The following KALRN variants were observed in gnomAD, a reference collection of about 807,000 sequenced individuals.
KALRN encodes kalirin RhoGEF kinase, also known as kalirin.
In KALRN, 70 loss-of-function variants were observed where a neutral mutation model predicts 353.7. That is an observed-to-expected ratio of 0.20 (90% CI 0.16 to 0.24). The LOEUF (loss-of-function observed/expected upper bound fraction) is 0.24, where lower values mean the gene tolerates loss of function less well. KALRN is among the 10% of genes least tolerant of loss of function. KALRN has a pLI of 1.00. For synonymous variants in KALRN, 1,391 were observed against 1,434.8 expected (o/e 0.97, Z 0.69); for missense variants, 2,791 against 3,756.7 (o/e 0.74, Z 6.72).
intron 3 of KALRN, among the ~76,000 whole-genome samples, chr3:124,241,115 A>G (rs1213491354): frequency 6.6e-6 from 1 of 152,156 alleles, no homozygotes; most frequent in Non-Finnish European, 1.5e-5. Context: ...CTCTATCCTC[A>G]ATGCTACCTA....
At chr3:124,133,778 C>T (rs2065592257) in intron 1 of KALRN, among the ~76,000 whole-genome samples, 1 of 152,188 alleles carries the variant, frequency 6.6e-6, no homozygotes, top group African/African-American at 2.4e-5. Flanking sequence ...AAAAGAGTTT[C>T]AGGGCAGCCG....
chr3:124,419,274 T>A (rs774721381), intron 14 of KALRN, among the ~76,000 whole-genome samples: 2 of 151,156 alleles, frequency 1.3e-5, no homozygotes, highest in Admixed American at 6.6e-5. Flanking sequence ...TTATAATTTC[T>A]CTGAGGGAAA....
chr3:124,208,651 A>G (rs1478633150), intron 1 of KALRN, among the ~76,000 whole-genome samples: 2 of 152,150 alleles, frequency 1.3e-5, no homozygotes, highest in Non-Finnish European at 2.9e-5. Flanking sequence ...TAGAAAATGC[A>G]AAATAGATTA....
chr3:124,419,547 G>A (rs962047041), intron 14 of KALRN, among the ~76,000 whole-genome samples: 3 of 151,984 alleles, frequency 2.0e-5, no homozygotes, highest in Non-Finnish European at 2.9e-5. Flanking sequence ...GAAGAGGCTC[G>A]TTTGTTCATT....
chr3:124,551,123 G>A (rs1388948104), intron 33 of KALRN, among the ~76,000 whole-genome samples: 1 of 152,192 alleles, frequency 6.6e-6, no homozygotes, highest in East Asian at 1.9e-4. Context: ...ATGGTGAGAG[G>A]AGGAGACAAA....
chr3:124,228,264 C>A (rs1026661921), intron 2 of KALRN, among the ~76,000 whole-genome samples, 200 bp downstream of exon 2: 2 of 152,168 alleles, frequency 1.3e-5, no homozygotes, highest in African/African-American at 4.8e-5. Context: ...CTAAAGGACA[C>A]CCAGAACCAA....
chr3:124,275,754 C>A (rs1003461189), intron 5 of KALRN, among the ~76,000 whole-genome samples: 2 of 152,146 alleles, frequency 1.3e-5, no homozygotes, highest in African/African-American at 4.8e-5. Context: ...TTTCAATTAT[C>A]CTTAATGGAA....
chr3:124,685,873 G>A (rs1020552261), intron 51 of KALRN, among the ~76,000 whole-genome samples: 3 of 152,106 alleles, frequency 2.0e-5, no homozygotes, highest in African/African-American at 7.2e-5. Context: ...AGATTACAAG[G>A]TACCATTGAC....
chr3:124,317,628 T>C (rs775604098), intron 6 of KALRN, among the ~76,000 whole-genome samples: 1 of 148,662 alleles, frequency 6.7e-6, no homozygotes, highest in Non-Finnish European at 1.5e-5. Context: ...ATTCAGAAAG[T>C]TGGGGAAGGG....
In KALRN at chr3:124,181,076, C is replaced by CAAAAAAAAAAAAAAA. The variant is rs60579271; in HGVS notation, c.74-46903_74-46889dup. Among the ~76,000 whole-genome samples, 64 of 55,250 alleles carry CAAAAAAAAAAAAAAA rather than the reference C, an allele frequency of 1.2e-3. 5 individuals are homozygous for CAAAAAAAAAAAAAAA. The highest frequency in any genetic ancestry group is 3.3e-3 in the East Asian group (6 of 1,836). The allele number at this position is 55,250 out of a possible 152,430, so 36.2% of individuals were successfully genotyped here. On this transcript the variant is annotated intron_variant, in intron 1 of 59. Coordinates refer to ENST00000682506, the MANE Select transcript of KALRN (RefSeq NM_001388419.1). The stretch of plus-strand genomic sequence containing the variant: ...CAAAACCCCATCTCTACTAAAAATA[C>CAAAAAAAAAAAAAAA]AAAAAAAAAAAAAAAAAAAAAAAAA...
At chr3:124,146,874 CAA>C (rs34633708) in intron 1 of KALRN, among the ~76,000 whole-genome samples, 4 of 49,936 alleles carry the variant, frequency 8.0e-5, no homozygotes, top group African/African-American at 2.4e-4. Context: ...GACTCTGTCT[CAA>C]AAAAAAAAAA....
At chr3:124,489,620 C>T (rs1404229004) in intron 29 of KALRN, among the ~76,000 whole-genome samples, 1 of 152,144 alleles carries the variant, frequency 6.6e-6, no homozygotes, top group Non-Finnish European at 1.5e-5. Context: ...CTGTTTGTAC[C>T]TTCCCCTCCA....
intron 1 of KALRN, among the ~76,000 whole-genome samples, chr3:124,044,641 A>G (rs564168728): frequency 4.0e-5 from 6 of 151,674 alleles, no homozygotes; most frequent in African/African-American, 7.3e-5. Context: ...AAAATTGCTC[A>G]TGTTAATAGA....
chr3:124,117,857 G>A (rs1412539619), intron 1 of KALRN, among the ~76,000 whole-genome samples: 1 of 152,280 alleles, frequency 6.6e-6, no homozygotes, highest in East Asian at 1.9e-4. Context: ...AGTAGTACAA[G>A]GTACAAAGCC....
At chr3:124,346,456 G>C (rs377143789) in intron 9 of KALRN, among the ~76,000 whole-genome samples, 3 of 152,254 alleles carry the variant, frequency 2.0e-5, no homozygotes, top group African/African-American at 7.2e-5. Context: ...AGAACCTGAA[G>C]TCTCCACTGC....
At chr3:124,034,291 G>A (rs945610240) in intron 1 of KALRN, among the ~76,000 whole-genome samples, 3 of 152,162 alleles carry the variant, frequency 2.0e-5, no homozygotes, top group Non-Finnish European at 2.9e-5. Context: ...GCGGGGACCC[G>A]GAGCCGCGCC....
At chr3:124,593,267 CTG>C (rs1192281686) in intron 34 of KALRN, among the ~76,000 whole-genome samples, 1 of 152,222 alleles carries the variant, frequency 6.6e-6, no homozygotes, top group East Asian at 1.9e-4. Context: ...AGTTTCATAT[CTG>C]TGCAGTGCTC....
At chr3:124,412,487 A>ATTTTG (rs2092247583) in intron 13 of KALRN, among the ~76,000 whole-genome samples, 1 of 152,220 alleles carries the variant, frequency 6.6e-6, no homozygotes, top group Non-Finnish European at 1.5e-5. Flanking sequence ...ATCACTTTTA[A>ATTTTG]AAACTTTTAA....
chr3:124,336,330 A>G (rs1399662362), intron 9 of KALRN, among the ~76,000 whole-genome samples: 1 of 152,176 alleles, frequency 6.6e-6, no homozygotes, highest in Non-Finnish European at 1.5e-5. Flanking sequence ...CCTGATAAAT[A>G]TATCACTCCT....
Sources: gnomAD v4.1 joint callset for allele counts (sites outside exome capture counted in the v4.1 genomes callset) on GRCh38, gnomAD v4.1.1 for gene constraint, MANE v1.5 for transcripts, NCBI Gene and HGNC (gene_info 2026-07-23, HGNC 2026-07-21) for gene names.